CLPB: variants seen among roughly 807,000 people sequenced by gnomAD.
CLPB encodes the protein mitochondrial disaggregase.
Under a neutral mutation model 78.4 loss-of-function variants are expected in CLPB, and 40 were observed. The observed-to-expected ratio is 0.51, with a 90% CI of 0.40 to 0.66. CLPB has a LOEUF of 0.66. CLPB is among the 30% of genes least tolerant of loss of function. The pLI, the probability that CLPB is intolerant of heterozygous loss-of-function variation, is 0.00. For missense variants in CLPB, 780 were observed against 886.9 expected (o/e 0.88, Z 1.53); for synonymous variants, 333 against 348.0 (o/e 0.96, Z 0.48).
chr11:72,408,984 G>A (rs939472718), intron 2 of CLPB, among the ~76,000 whole-genome samples: 2 of 152,252 alleles, frequency 1.3e-5, no homozygotes, highest in African/African-American at 4.8e-5. Flanking sequence ...AATGTGGCAA[G>A]TGAATTAATC....
chr11:72,372,855 T>C, intron 4 of CLPB: 1 of 1,347,002 alleles, frequency 7.4e-7, no homozygotes, highest in Non-Finnish European at 1.1e-6. Context: ...GTAAAAGAGA[T>C]AGTCAGATGA....
At chr11:72,361,700 T>C (rs1950842249) in intron 4 of CLPB, among the ~76,000 whole-genome samples, 1 of 152,234 alleles carries the variant, frequency 6.6e-6, no homozygotes, top group Non-Finnish European at 1.5e-5. Context: ...CGAAAAGTGA[T>C]AGTTGGCTCA....
chr11:72,379,493 A>G (rs1450380661), intron 4 of CLPB, among the ~76,000 whole-genome samples: 1 of 152,094 alleles, frequency 6.6e-6, no homozygotes, highest in Non-Finnish European at 1.5e-5. Flanking sequence ...CAGACACAAC[A>G]TAGACTGACT....
intron 2 of CLPB, among the ~76,000 whole-genome samples, chr11:72,407,162 T>C (rs1855734770): frequency 6.6e-6 from 1 of 152,224 alleles, no homozygotes; most frequent in Admixed American, 6.5e-5. Context: ...TATGTGAGCA[T>C]TTCCCTGTGG....
Position 72,416,755 on chromosome 11 carries a change from AG to A in CLPB, c.455+13556del, listed in dbSNP as rs1394661344. ...CGTCTCAAAAAAAAAAAAAAAAAAA[AG>A]AAAAAAGAATGAATAAATGCCAAAG... On this transcript the variant is annotated intron_variant, in intron 2 of 15. Transcript: ENST00000538039. Among the ~76,000 whole-genome samples, 51 of 150,432 alleles carry A rather than the reference AG, an allele frequency of 3.4e-4. 1 individual carries two copies. The highest frequency in any genetic ancestry group is 3.4e-4 in the Non-Finnish European group (23 of 67,802).
At chr11:72,407,292 G>A (rs1855737986) in intron 2 of CLPB, among the ~76,000 whole-genome samples, 2 of 152,238 alleles carry the variant, frequency 1.3e-5, no homozygotes, top group African/African-American at 4.8e-5. Context: ...CAGGACAGAG[G>A]TGTGCCTGTG....
chr11:72,397,472 T>C (rs1339361987), intron 3 of CLPB, among the ~76,000 whole-genome samples: 1 of 152,256 alleles, frequency 6.6e-6, no homozygotes, highest in Non-Finnish European at 1.5e-5. Context: ...AATGTGGCTA[T>C]ACCATTATGC....
chr11:72,350,985 T>C (rs1196294122), intron 5 of CLPB, among the ~76,000 whole-genome samples: 1 of 152,206 alleles, frequency 6.6e-6, no homozygotes, highest in Admixed American at 6.5e-5. Context: ...TTGTACCCAT[T>C]AGCAATCTCT....
At chr11:72,351,526 T>C (rs1275010461) in intron 5 of CLPB, 2 of 152,178 alleles carry the variant, frequency 1.3e-5, no homozygotes, top group Admixed American at 6.5e-5. Flanking sequence ...CTATAGAAAT[T>C]AGTGGCACAT....
intron 3 of CLPB, among the ~76,000 whole-genome samples, chr11:72,394,004 C>T (rs1323777096): frequency 6.6e-6 from 1 of 152,196 alleles, no homozygotes; most frequent in Non-Finnish European, 1.5e-5. Context: ...CAGGACAGAG[C>T]CCCATTGCTC....
In CLPB at chr11:72,371,525, T is replaced by A. The variant is rs1000119431; in HGVS notation, c.646+8756A>T. Among the ~76,000 whole-genome samples, 23 of 140,836 alleles carry A rather than the reference T, an allele frequency of 1.6e-4. No individual in the cohort carries two copies. The East Asian group carries it at 3.4e-3, about 21-fold the overall frequency. The allele number at this position is 140,836 out of a possible 152,430, so 92.4% of individuals were successfully genotyped here. A position where few individuals can be genotyped will look rare whatever the true frequency, so the allele number is the denominator to read the frequency against. ...TCCAGCCTGGGCAACACAGCAAGAC[T>A]CTGTCTCAAAAATAAAATAAAATAA... On this transcript the variant is annotated intron_variant, in intron 4 of 15. Coordinates refer to ENST00000538039, the MANE Select transcript of CLPB (RefSeq NM_001258392.3).
rs1299743804 is a variant in CLPB at position 72,312,159 on chromosome 11, AAC to A, written c.989-3557_989-3556del. ...TCCGTTTCTTCCTCTATAAAATGGG[AAC>A]AGTCACATATACTGTGTCAGCCCCA... On this transcript the variant is annotated intron_variant, in intron 7 of 15. Coordinates refer to ENST00000538039, the MANE Select transcript of CLPB (RefSeq NM_001258392.3). This position sits in a 1 kb window ranked among gnomAD's most constrained non-coding sequence, Gnocchi z 4.2. Among the ~76,000 whole-genome samples the A allele has an allele frequency of 1.3e-5, 2 of 152,248 alleles. No homozygotes were observed. The highest frequency in any genetic ancestry group is 2.9e-5 in the Non-Finnish European group (2 of 68,042).
At chr11:72,359,254 C>T (rs1311256217) in intron 4 of CLPB, 1 of 646,288 alleles carries the variant, frequency 1.5e-6, no homozygotes, top group Non-Finnish European at 2.9e-6. Context: ...TGAAATAGAT[C>T]AGATAAGGTC....
At chr11:72,358,835 T>G (rs766699764) in intron 5 of CLPB, 45 bp downstream of exon 5, 2 of 35,110 alleles carry the variant, frequency 5.7e-5, no homozygotes, top group Non-Finnish European at 1.1e-4. Flanking sequence ...ACCCCACCCC[T>G]CTTCCACTTC....
intron 5 of CLPB, among the ~76,000 whole-genome samples, chr11:72,347,604 T>C (rs1484581295): frequency 6.6e-6 from 1 of 152,218 alleles, no homozygotes; most frequent in Non-Finnish European, 1.5e-5. Context: ...TTTTGTACTA[T>C]GTACAAGTAT....
At chr11:72,297,700 T>TGTGTGTGTGTGTGTGTGTGTGA (rs1294715631) in intron 11 of CLPB, among the ~76,000 whole-genome samples, 3 of 121,966 alleles carry the variant, frequency 2.5e-5, no homozygotes, top group Non-Finnish European at 5.0e-5. Context: ...TGTGTGTGTG[T>TGTGTGTGTGTGTGTGTGTGTGA]GTGACATGTC....
At chr11:72,372,017 G>A (rs1280832402) in intron 4 of CLPB, among the ~76,000 whole-genome samples, 1 of 152,102 alleles carries the variant, frequency 6.6e-6, no homozygotes, top group Non-Finnish European at 1.5e-5. Context: ...TTTCTCAAGC[G>A]CTTTCGTAAG....
At chr11:72,354,822 AC>A (rs1703539262) in intron 5 of CLPB, 1 of 152,220 alleles carries the variant, frequency 6.6e-6, no homozygotes, top group Admixed American at 6.6e-5. Flanking sequence ...AGGCCTAAGC[AC>A]CCCCTCCTCT....
intron 5 of CLPB, among the ~76,000 whole-genome samples, chr11:72,356,726 G>A (rs1347054218): frequency 6.6e-6 from 1 of 152,208 alleles, no homozygotes; most frequent in Admixed American, 6.5e-5. Flanking sequence ...GCCTTGGCCT[G>A]GGGGTGAGGA....
Sources: allele counts gnomAD v4.1 joint callset (sites outside exome capture counted in the v4.1 genomes callset), GRCh38; gene constraint gnomAD v4.1.1; non-coding constraint Gnocchi (gnomAD v3.1); transcripts MANE v1.5; gene names NCBI Gene and HGNC (gene_info 2026-07-23, HGNC 2026-07-21).